SGCD: variants seen among roughly 807,000 people sequenced by gnomAD.
SGCD encodes the protein sarcoglycan delta.
SGCD carries 18 observed loss-of-function variants against 36.6 expected under a neutral mutation model. The ratio of observed to expected loss-of-function variants is 0.49; its 90% CI spans 0.34 to 0.73. The LOEUF is 0.73. Among genes scored for constraint, SGCD ranks in the 30% least tolerant of loss-of-function variants. SGCD has a pLI of 0.01. For missense variants in SGCD, 387 were observed against 346.7 expected (o/e 1.12, Z -0.92); for synonymous variants, 133 against 130.6 (o/e 1.02, Z -0.12).
the SGCD span, among the ~76,000 whole-genome samples, chr5:155,736,880 G>A: frequency 5.3e-5 from 8 of 152,240 alleles, no homozygotes; most frequent in African/African-American, 1.9e-4. Context: ...AAATAACGAC[G>A]GGATTAACCA....
intron 3 of SGCD, among the ~76,000 whole-genome samples, chr5:156,129,761 T>C (rs772169280): frequency 1.3e-5 from 2 of 152,204 alleles, no homozygotes; most frequent in African/African-American, 2.4e-5. Flanking sequence ...TGTTCCTGTG[T>C]TGGTTTGCTT....
chr5:155,895,192 C>T (rs1756220885), intron 1 of SGCD, among the ~76,000 whole-genome samples: 1 of 152,224 alleles, frequency 6.6e-6, no homozygotes, highest in African/African-American at 2.4e-5. Flanking sequence ...GCAAGAACAA[C>T]ATGTCCACAT....
intron 1 of SGCD, among the ~76,000 whole-genome samples, chr5:155,893,996 G>C (rs1458110196): frequency 6.6e-6 from 1 of 152,112 alleles, no homozygotes; most frequent in Non-Finnish European, 1.5e-5. Context: ...TGGTATAAAA[G>C]ATGTCTTAAA....
intron 1 of SGCD, among the ~76,000 whole-genome samples, chr5:155,890,404 C>A (rs1465104014): frequency 1.3e-5 from 2 of 152,046 alleles, no homozygotes; most frequent in South Asian, 4.2e-4. Context: ...TGGGCAGGAT[C>A]ACTTAATTTC....
intron 4 of SGCD, among the ~76,000 whole-genome samples, chr5:156,515,420 C>A (rs898642358): frequency 1.3e-5 from 2 of 152,098 alleles, no homozygotes; most frequent in African/African-American, 4.8e-5. Flanking sequence ...AGAATGAAGA[C>A]CGCATGTGAA....
At chr5:156,535,619 T>G (rs1358711883) in intron 4 of SGCD, among the ~76,000 whole-genome samples, 1 of 152,118 alleles carries the variant, frequency 6.6e-6, no homozygotes, top group African/African-American at 2.4e-5. Flanking sequence ...ATCATGAGAG[T>G]GCTTTCCAGT....
chr5:156,057,019 A>T (rs1760082676), intron 1 of SGCD, among the ~76,000 whole-genome samples: 4 of 146,586 alleles, frequency 2.7e-5, no homozygotes, highest in African/African-American at 9.8e-5. Context: ...CTATACAGAT[A>T]GTCATTAATG....
intron 1 of SGCD, among the ~76,000 whole-genome samples, chr5:155,896,130 C>T (rs946505850): frequency 2.6e-5 from 4 of 152,040 alleles, no homozygotes; most frequent in Non-Finnish European, 4.4e-5. Context: ...ACAGAGAGCC[C>T]TTTATTATAT....
chr5:156,088,585 G>A (rs972909129), intron 1 of SGCD, among the ~76,000 whole-genome samples: 1 of 151,918 alleles, frequency 6.6e-6, no homozygotes, highest in Non-Finnish European at 1.5e-5. Context: ...CTCCAGCTTC[G>A]ACCACCTGGA....
intron 1 of SGCD, among the ~76,000 whole-genome samples, chr5:155,976,604 A>G (rs925541804): frequency 6.6e-6 from 1 of 152,180 alleles, no homozygotes; most frequent in Non-Finnish European, 1.5e-5. Context: ...TTCATGTTAT[A>G]GATGAAGACA....
chr5:155,788,394 C>T, the SGCD span, among the ~76,000 whole-genome samples: 4 of 151,970 alleles, frequency 2.6e-5, no homozygotes, highest in Admixed American at 2.6e-4. Context: ...CTTTTATGTC[C>T]AGGGTAGTTT....
chr5:155,916,409 T>C (rs1756742517), intron 1 of SGCD, among the ~76,000 whole-genome samples: 1 of 152,202 alleles, frequency 6.6e-6, no homozygotes, highest in Non-Finnish European at 1.5e-5. Flanking sequence ...TTTTAAAAGT[T>C]TGACATGAGG....
intron 1 of SGCD, among the ~76,000 whole-genome samples, chr5:156,073,878 C>G (rs2062024534): frequency 6.6e-6 from 1 of 152,154 alleles, no homozygotes; most frequent in Non-Finnish European, 1.5e-5. Flanking sequence ...CTCTATGAAG[C>G]AAGGCTTGAC....
intron 1 of SGCD, among the ~76,000 whole-genome samples, chr5:156,035,884 AAT>A (rs1759484709): frequency 6.6e-6 from 1 of 152,210 alleles, no homozygotes; most frequent in East Asian, 1.9e-4. Context: ...GGTGTTTAGG[AAT>A]AGTGATACCA....
chr5:155,903,638 T>A (rs1756439124), intron 1 of SGCD, among the ~76,000 whole-genome samples: 1 of 152,176 alleles, frequency 6.6e-6, no homozygotes, highest in Non-Finnish European at 1.5e-5. Flanking sequence ...AAAATACACC[T>A]CTTCTTTGAT....
chr5:155,896,273 T>G (rs1390776246), intron 1 of SGCD, among the ~76,000 whole-genome samples: 1 of 152,148 alleles, frequency 6.6e-6, no homozygotes, highest in South Asian at 2.1e-4. Flanking sequence ...TAGTATTAAC[T>G]TGAACACTTT....
At chr5:155,743,940 T>A in the SGCD span, among the ~76,000 whole-genome samples, 9 of 152,322 alleles carry the variant, frequency 5.9e-5, no homozygotes, top group African/African-American at 1.9e-4. Flanking sequence ...GGACCAAGTG[T>A]CCCTTGGTTG....
At chr5:156,329,222 A>G (rs544800192) in intron 1 of SGCD, among the ~76,000 whole-genome samples, 5 of 152,292 alleles carry the variant, frequency 3.3e-5, no homozygotes, top group African/African-American at 1.2e-4. Context: ...AATGGCCACA[A>G]CACAAACTGG....
chr5:155,745,988 C>T, the SGCD span, among the ~76,000 whole-genome samples: 1 of 152,206 alleles, frequency 6.6e-6, no homozygotes, highest in African/African-American at 2.4e-5. Context: ...GTACACACTG[C>T]AGATATTCTT....
Sources: gnomAD v4.1 joint callset for allele counts (sites outside exome capture counted in the v4.1 genomes callset) on GRCh38, gnomAD v4.1.1 for gene constraint, MANE v1.5 for transcripts, NCBI Gene and HGNC (gene_info 2026-07-23, HGNC 2026-07-21) for gene names.